PTPRN2: variants seen among roughly 807,000 people sequenced by gnomAD.
PTPRN2 encodes receptor-type tyrosine-protein phosphatase N2.
PTPRN2 carries 74 observed loss-of-function variants against 118.8 expected under a neutral mutation model. The ratio of observed to expected loss-of-function variants is 0.62; its 90% CI spans 0.52 to 0.76. The LOEUF (loss-of-function observed/expected upper bound fraction) is 0.76. PTPRN2 is among the 30% of genes least tolerant of loss of function. The pLI is 0.00. For synonymous variants in PTPRN2, 641 were observed against 608.0 expected (o/e 1.05, Z -0.80); for missense variants, 1,481 against 1,394.4 (o/e 1.06, Z -0.99).
At chr7:157,826,608 G>A (rs1038572028) in intron 12 of PTPRN2, among the ~76,000 whole-genome samples, 15 of 152,196 alleles carry the variant, frequency 9.9e-5, no homozygotes, top group Admixed American at 5.2e-4. Flanking sequence ...CCATTTCCAC[G>A]CGTGCTGTGC....
chr7:157,928,756 T>C (rs1799178151), intron 11 of PTPRN2, among the ~76,000 whole-genome samples: 1 of 132,192 alleles, frequency 7.6e-6, no homozygotes, highest in Non-Finnish European at 1.6e-5. Flanking sequence ...GGGTGGGAGA[T>C]AGGGATGGGA....
At chr7:158,140,635 G>A (rs1819282831) in intron 6 of PTPRN2, among the ~76,000 whole-genome samples, 1 of 152,226 alleles carries the variant, frequency 6.6e-6, no homozygotes, top group Non-Finnish European at 1.5e-5. Context: ...TCAAGGATGG[G>A]CGAGGTCTGC....
intron 1 of PTPRN2, among the ~76,000 whole-genome samples, chr7:158,568,735 C>A (rs1034227187): frequency 1.3e-5 from 2 of 151,880 alleles, no homozygotes; most frequent in South Asian, 2.1e-4. Context: ...ACTGGGGTAA[C>A]CTACATGTAA....
chr7:157,941,303 T>C (rs1800097345), intron 11 of PTPRN2, among the ~76,000 whole-genome samples: 1 of 84,202 alleles, frequency 1.2e-5, no homozygotes, highest in Non-Finnish European at 2.0e-5. Context: ...CTCTCCCCTG[T>C]GACACTGCAA....
chr7:157,688,325 G>A (rs1455139225), intron 12 of PTPRN2, among the ~76,000 whole-genome samples: 1 of 152,160 alleles, frequency 6.6e-6, no homozygotes, highest in Non-Finnish European at 1.5e-5. Context: ...AAGACATCAG[G>A]GAAGATTTAT....
At chr7:157,947,419 A>T (rs1403893742) in intron 11 of PTPRN2, among the ~76,000 whole-genome samples, 1 of 152,182 alleles carries the variant, frequency 6.6e-6, no homozygotes. Flanking sequence ...TTGCCCACCT[A>T]TTATTCCCCA....
At chr7:157,795,172 G>A (rs1389755103) in intron 12 of PTPRN2, among the ~76,000 whole-genome samples, 1 of 146,348 alleles carries the variant, frequency 6.8e-6, no homozygotes, top group Non-Finnish European at 1.5e-5. Context: ...GGGGGCGGGG[G>A]GGGCTCAAGC....
At chr7:158,439,807 C>T (rs897153067) in intron 2 of PTPRN2, among the ~76,000 whole-genome samples, 4 of 152,184 alleles carry the variant, frequency 2.6e-5, no homozygotes, top group Non-Finnish European at 4.4e-5. Flanking sequence ...GGCTTATTTA[C>T]GGGGTGCACC....
intron 9 of PTPRN2, among the ~76,000 whole-genome samples, chr7:158,122,842 C>T (rs1201337498): frequency 1.3e-5 from 2 of 152,208 alleles, no homozygotes; most frequent in African/African-American, 4.8e-5. Context: ...CTGTTGCGAC[C>T]TACACTTGTT....
chr7:158,418,009 C>G (rs1200491538), intron 2 of PTPRN2, among the ~76,000 whole-genome samples: 1 of 149,696 alleles, frequency 6.7e-6, no homozygotes, highest in Admixed American at 6.6e-5. Flanking sequence ...TGTACTACAT[C>G]GAGATGCTCT....
At chr7:157,686,987 A>G (rs766373771) in intron 12 of PTPRN2, among the ~76,000 whole-genome samples, 6 of 152,202 alleles carry the variant, frequency 3.9e-5, no homozygotes, top group Non-Finnish European at 7.3e-5. Flanking sequence ...CTTCCTCTCA[A>G]CCGTCTGCAC....
chr7:158,190,213 C>T (rs564072904), intron 5 of PTPRN2, among the ~76,000 whole-genome samples: 25 of 152,224 alleles, frequency 1.6e-4, no homozygotes, highest in Non-Finnish European at 2.2e-4. Context: ...GCTGAGGACT[C>T]GAGGCACAGA....
intron 2 of PTPRN2, among the ~76,000 whole-genome samples, chr7:158,472,455 CAGAA>C (rs1224317540): frequency 6.6e-6 from 1 of 152,194 alleles, no homozygotes; most frequent in African/African-American, 2.4e-5. Context: ...ATAAAACACT[CAGAA>C]AGGCATTAAC....
At chr7:157,621,578 C>T in intron 14 of PTPRN2, 69 bp from the exon 15 acceptor site, 2 of 1,585,682 alleles carry the variant, frequency 1.3e-6, no homozygotes, top group Middle Eastern at 1.7e-4. Flanking sequence ...GCACAAAAGG[C>T]AGCGGAGGCC....
chr7:158,456,428 C>T (rs1563315949), intron 2 of PTPRN2, among the ~76,000 whole-genome samples: 1 of 151,924 alleles, frequency 6.6e-6, no homozygotes, highest in Non-Finnish European at 1.5e-5. Flanking sequence ...CCACGGCCCC[C>T]CATCGCTCTG....
At chr7:157,941,746 A>T (rs1585056682) in intron 11 of PTPRN2, among the ~76,000 whole-genome samples, 1 of 152,162 alleles carries the variant, frequency 6.6e-6, no homozygotes, top group East Asian at 1.9e-4. Flanking sequence ...TGGGCTCTGC[A>T]TGGAGTGGGG....
At chr7:158,535,799 C>A (rs1228909161) in intron 1 of PTPRN2, among the ~76,000 whole-genome samples, 1 of 151,436 alleles carries the variant, frequency 6.6e-6, no homozygotes, top group Non-Finnish European at 1.5e-5. Context: ...CACAGTAAAT[C>A]TTAATATAGC....
At chr7:158,039,064 G>C (rs1211645106) in intron 11 of PTPRN2, among the ~76,000 whole-genome samples, 1 of 152,044 alleles carries the variant, frequency 6.6e-6, no homozygotes, top group African/African-American at 2.4e-5. Flanking sequence ...TTATATTGTG[G>C]GGAAATAGAA....
intron 2 of PTPRN2, among the ~76,000 whole-genome samples, chr7:158,337,341 A>T (rs1277287683): frequency 6.7e-6 from 1 of 148,408 alleles, no homozygotes; most frequent in Non-Finnish European, 1.5e-5. Flanking sequence ...TCACCCTAAG[A>T]GGTGACACCT....
Sources: gnomAD v4.1 joint callset for allele counts (sites outside exome capture counted in the v4.1 genomes callset) on GRCh38, gnomAD v4.1.1 for gene constraint, MANE v1.5 for transcripts, NCBI Gene and HGNC (gene_info 2026-07-23, HGNC 2026-07-21) for gene names.